AMOTL1: variants seen among roughly 807,000 people sequenced by gnomAD.
AMOTL1 encodes the protein angiomotin-like protein 1.
AMOTL1 carries 45 observed loss-of-function variants against 102.9 expected under a neutral mutation model. The ratio of observed to expected loss-of-function variants is 0.44; its 90% CI spans 0.34 to 0.56. The LOEUF is 0.56. Among genes scored for constraint, AMOTL1 ranks in the 20% least tolerant of loss-of-function variants. The pLI, the probability that AMOTL1 is intolerant of heterozygous loss-of-function variation, is 0.01. For synonymous variants in AMOTL1, 481 were observed against 484.7 expected (o/e 0.99, Z 0.10); for missense variants, 1,114 against 1,225.6 (o/e 0.91, Z 1.36).
Position 94,803,202 on chromosome 11 carries a change from T to C in AMOTL1, c.1121+2891T>C, listed in dbSNP as rs752623560. On this transcript the variant is annotated intron_variant, in intron 3 of 12. Transcript: ENST00000433060. ...CCAAAGAGACAAGTGATAGAACTTA[T>C]GAGAAGAATAAGAATTTGAGTTTTT... Among the ~76,000 whole-genome samples the C allele has an allele frequency of 1.3e-4, 20 of 152,258 alleles. 1 individual carries two copies. The highest frequency in any genetic ancestry group is 2.6e-4 in the Non-Finnish European group (18 of 68,046).
rs570624946 is a variant in AMOTL1, at chr11:94,863,941, C to T, written c.2136-794C>T. On this transcript the variant is annotated intron_variant, in intron 9 of 12. Coordinates refer to ENST00000433060, the MANE Select transcript of AMOTL1 (RefSeq NM_130847.3). Reference sequence around the variant, plus strand: ...CTGAACTTGTCAAGGACAGTGTCTGCCTTCTTCTTTCTGTCCTGGACCCTG... The same window carrying T: ...CTGAACTTGTCAAGGACAGTGTCTGTCTTCTTCTTTCTGTCCTGGACCCTG... 6.6e-5 allele frequency among the ~76,000 whole-genome samples: 10 copies of T among 152,314 alleles called. 1 individual carries two copies. The South Asian group carries it at 2.1e-3, about 32-fold the overall frequency.
chr11:94,768,345 A>C, upstream of AMOTL1: 2 of 1,355,018 alleles, frequency 1.5e-6, no homozygotes, highest in Middle Eastern at 2.4e-4. Flanking sequence ...GGGAGCGCGG[A>C]CGGCGGCGGG....
chr11:94,755,284 T>C (rs547777780), intron 3 of AMOTL1, among the ~76,000 whole-genome samples: 2 of 152,296 alleles, frequency 1.3e-5, no homozygotes, highest in Admixed American at 6.5e-5. Context: ...GTTAAGGTTT[T>C]GATTTTCTTC....
chr11:94,713,918 C>A (rs1468593794), intron 1 of AMOTL1, among the ~76,000 whole-genome samples: 3 of 151,974 alleles, frequency 2.0e-5, no homozygotes, highest in East Asian at 3.9e-4. Flanking sequence ...ACTGGCTAGA[C>A]CTCTCAGTAC....
chr11:94,824,940 C>T (rs1045646236), intron 4 of AMOTL1, among the ~76,000 whole-genome samples: 2 of 152,216 alleles, frequency 1.3e-5, no homozygotes, highest in Middle Eastern at 3.4e-3. Flanking sequence ...CAGAAGAAAA[C>T]GATTAAATTC....
rs1950885837 is a variant in AMOTL1, at chr11:94,768,405, G to A, written c.-107G>A. On this transcript the variant is annotated 5_prime_UTR_variant, in exon 1 of 13. Coordinates refer to ENST00000433060, the MANE Select transcript of AMOTL1 (RefSeq NM_130847.3). ...AGCAGCGGTTGTCGGGTTTGGGGCT[G>A]GAGGTGAAGCCCTGTGTGAATGGGG... is the stretch of plus-strand genomic sequence containing the variant. The A allele has an allele frequency of 2.6e-6, 4 of 1,523,800 alleles. No homozygotes were observed. Among genetic ancestry groups the A allele is most frequent in the Non-Finnish European group, 3.5e-6 (4 of 1,136,486 alleles). The allele number at this position is 1,523,800 out of a possible 1,614,324, so 94.4% of individuals were successfully genotyped here.
chr11:94,871,658 T>C lies in AMOTL1; in HGVS notation c.*863T>C, dbSNP rs1952998830. 1 of 152,198 alleles carries C rather than the reference T, an allele frequency of 6.6e-6. No individual in the cohort carries two copies. Among genetic ancestry groups the C allele is most frequent in the African/African-American group, 2.4e-5 (1 of 41,444 alleles). 9.4% of individuals were successfully genotyped at this position (152,198 alleles called of 1,614,324 possible). A position where few individuals can be genotyped will look rare whatever the true frequency, so the allele number is the denominator to read the frequency against. The stretch of plus-strand genomic sequence containing the variant: ...GCCGACTTCCTGGCTGCTTCACCTT[T>C]GCATAGCTGGGTTGCAGCTGCGAAC... On this transcript the variant is annotated 3_prime_UTR_variant, in exon 13 of 13. Coordinates refer to ENST00000433060, the MANE Select transcript of AMOTL1 (RefSeq NM_130847.3).
chr11:94,708,135 T>G (rs996333314), intron 1 of AMOTL1, among the ~76,000 whole-genome samples: 1 of 152,194 alleles, frequency 6.6e-6, no homozygotes, highest in South Asian at 2.1e-4. Context: ...GCCTGAGTTA[T>G]TGCATTATCC....
intron 1 of AMOTL1, among the ~76,000 whole-genome samples, chr11:94,778,006 A>G (rs796594370): frequency 3.7e-4 from 57 of 152,366 alleles, no homozygotes; most frequent in African/African-American, 1.3e-3. Context: ...CATATTCTAT[A>G]AAAGGAATGT....
intron 1 of AMOTL1, among the ~76,000 whole-genome samples, chr11:94,775,239 G>T (rs1233914173): frequency 2.0e-5 from 3 of 152,166 alleles, no homozygotes; most frequent in Non-Finnish European, 4.4e-5. Context: ...TGGGGGACTT[G>T]GTAACGATTG....
At chr11:94,724,318 G>A (rs770790173) in intron 1 of AMOTL1, among the ~76,000 whole-genome samples, 19 of 152,146 alleles carry the variant, frequency 1.2e-4, no homozygotes, top group Non-Finnish European at 2.5e-4. Context: ...AGGAGTTCCG[G>A]GAACAGCTCA....
intron 3 of AMOTL1, among the ~76,000 whole-genome samples, chr11:94,819,018 C>T (rs1216503066): frequency 6.6e-6 from 1 of 151,974 alleles, no homozygotes; most frequent in Non-Finnish European, 1.5e-5. Context: ...TTCTCTTCCT[C>T]CTCCTATTTT....
At chr11:94,751,366 A>G (rs1950652126) in intron 3 of AMOTL1, among the ~76,000 whole-genome samples, 1 of 151,928 alleles carries the variant, frequency 6.6e-6, no homozygotes, top group Admixed American at 6.6e-5. Flanking sequence ...ATTCATTCCT[A>G]TGTATTGCAG....
At chr11:94,833,304 A>G (rs532526456) in intron 6 of AMOTL1, among the ~76,000 whole-genome samples, 2 of 152,336 alleles carry the variant, frequency 1.3e-5, no homozygotes, top group South Asian at 2.1e-4. Context: ...TCACAGCTTT[A>G]TAATTATTTA....
At chr11:94,857,592 C>T (rs546027121) in intron 8 of AMOTL1, among the ~76,000 whole-genome samples, 7 of 152,286 alleles carry the variant, frequency 4.6e-5, no homozygotes, top group Admixed American at 1.3e-4. Context: ...GGGGAATTTG[C>T]ATTTTTAAGA....
chr11:94,785,438 ATTTTT>A (rs1951171176), intron 1 of AMOTL1, among the ~76,000 whole-genome samples: 1 of 152,100 alleles, frequency 6.6e-6, no homozygotes, highest in African/African-American at 2.4e-5. Context: ...AAATAATATG[ATTTTT>A]ATAACATCCT....
chr11:94,749,793 A>G (rs1950629890), intron 3 of AMOTL1, among the ~76,000 whole-genome samples: 1 of 152,216 alleles, frequency 6.6e-6, no homozygotes, highest in Non-Finnish European at 1.5e-5. Flanking sequence ...AGTAACCACC[A>G]TTAAATGTCT....
At chr11:94,806,959 G>A (rs1182533382) in intron 3 of AMOTL1, among the ~76,000 whole-genome samples, 1 of 152,150 alleles carries the variant, frequency 6.6e-6, no homozygotes, top group Non-Finnish European at 1.5e-5. Flanking sequence ...CCTTCCGGTA[G>A]CAAATTGCAT....
intron 6 of AMOTL1, among the ~76,000 whole-genome samples, chr11:94,845,904 C>G (rs936907046): frequency 6.6e-6 from 1 of 152,168 alleles, no homozygotes; most frequent in Non-Finnish European, 1.5e-5. Flanking sequence ...CTTGCCTGTT[C>G]TAGGAATTCT....
Sources: allele counts gnomAD v4.1 joint callset (sites outside exome capture counted in the v4.1 genomes callset), GRCh38; gene constraint gnomAD v4.1.1; transcripts MANE v1.5; gene names NCBI Gene and HGNC (gene_info 2026-07-23, HGNC 2026-07-21).